EFCAB13: variants seen among roughly 807,000 people sequenced by gnomAD.
The protein encoded by EFCAB13 is EF-hand calcium binding domain 13, also known as EF-hand calcium-binding domain-containing protein 13.
Under a neutral mutation model 110.2 loss-of-function variants are expected in EFCAB13, and 91 were observed. That is an observed-to-expected ratio of 0.83 (90% CI 0.70 to 0.98). EFCAB13 has a LOEUF of 0.98. Among genes scored for constraint, EFCAB13 ranks in the 50% least tolerant of loss-of-function variants. The pLI is 0.00. For missense variants in EFCAB13, 968 were observed against 1,119.4 expected (o/e 0.86, Z 1.93); for synonymous variants, 323 against 369.9 (o/e 0.87, Z 1.45).
At chr17:47,386,078 GTC>G (rs2065674221) in intron 14 of EFCAB13, among the ~76,000 whole-genome samples, 1 of 152,168 alleles carries the variant, frequency 6.6e-6, no homozygotes, top group South Asian at 2.1e-4. Context: ...CTGTTGGGAG[GTC>G]TCTCCCCATC....
intron 10 of EFCAB13, chr17:47,369,610 T>G (rs1333154244): frequency 1.3e-5 from 2 of 152,658 alleles, no homozygotes; most frequent in Non-Finnish European, 2.9e-5. Flanking sequence ...AATTTGCTTC[T>G]TCCTCTCAGT....
chr17:47,332,453 T>C (rs2065324783), intron 4 of EFCAB13, among the ~76,000 whole-genome samples: 1 of 152,086 alleles, frequency 6.6e-6, no homozygotes, highest in Non-Finnish European at 1.5e-5. Context: ...GTATATATTA[T>C]TTACTAACCA....
intron 9 of EFCAB13, among the ~76,000 whole-genome samples, chr17:47,355,636 G>A (rs947163696): frequency 1.0e-4 from 15 of 147,318 alleles, no homozygotes; most frequent in African/African-American, 3.5e-4. Flanking sequence ...GCAGTGATGC[G>A]ATCTCGGCTT....
At chr17:47,387,079 T>C (rs2065680956) in intron 14 of EFCAB13, among the ~76,000 whole-genome samples, 2 of 152,210 alleles carry the variant, frequency 1.3e-5, no homozygotes, top group African/African-American at 4.8e-5. Context: ...GAGCTGTTCC[T>C]GTTCAGCCAT....
chr17:47,374,084 T>A lies in EFCAB13; in HGVS notation c.878-388T>A, dbSNP rs576397101. Among the ~76,000 whole-genome samples the A allele has an allele frequency of 2.3e-4, 35 of 152,292 alleles. No homozygotes were observed. The East Asian group carries it at 2.9e-3, about 13-fold the overall frequency. ...AGTAATTACTTAAGTTCTAATTTTA[T>A]AAATAAAATCTCCCCTTTCCTCATA... On this transcript the variant is annotated intron_variant, in intron 11 of 24. Coordinates refer to ENST00000331493, the MANE Select transcript of EFCAB13 (RefSeq NM_152347.5).
intron 23 of EFCAB13, among the ~76,000 whole-genome samples, chr17:47,420,927 C>T (rs377043872): frequency 0.021 from 3,182 of 150,068 alleles, 90 homozygotes; most frequent in East Asian, 0.16. Context: ...TCTGCCCAGC[C>T]GCCCCTACTG....
chr17:47,391,007 A>AACC (rs2065704528), intron 14 of EFCAB13, among the ~76,000 whole-genome samples: 2 of 152,032 alleles, frequency 1.3e-5, no homozygotes, highest in Non-Finnish European at 1.5e-5. Context: ...TGGTACTATC[A>AACC]TAGCTCACCT....
At chr17:47,324,999 A>G (rs1351798135) in intron 2 of EFCAB13, among the ~76,000 whole-genome samples, 2 of 48,836 alleles carry the variant, frequency 4.1e-5, no homozygotes, top group African/African-American at 1.4e-4. Context: ...CGAACCATTC[A>G]GTACTGATCT....
intron 23 of EFCAB13, among the ~76,000 whole-genome samples, chr17:47,417,914 G>A (rs1028335496): frequency 6.6e-6 from 1 of 152,136 alleles, no homozygotes; most frequent in Non-Finnish European, 1.5e-5. Context: ...GGCCTTTAAA[G>A]GCTCTTATGA....
At chr17:47,335,513 A>G (rs1218317804) in intron 5 of EFCAB13, among the ~76,000 whole-genome samples, 157 bp downstream of exon 5, 2 of 152,200 alleles carry the variant, frequency 1.3e-5, no homozygotes, top group African/African-American at 2.4e-5. Context: ...TTTAACTCCT[A>G]AATAGCTGTT....
At chr17:47,375,615 A>G (rs752833205) in intron 12 of EFCAB13, among the ~76,000 whole-genome samples, 2 of 152,024 alleles carry the variant, frequency 1.3e-5, no homozygotes, top group Non-Finnish European at 2.9e-5. Context: ...TGACACATAG[A>G]CTAATGGATA....
chr17:47,393,330 T>C (rs2065718517), intron 15 of EFCAB13, among the ~76,000 whole-genome samples: 1 of 152,210 alleles, frequency 6.6e-6, no homozygotes, highest in Non-Finnish European at 1.5e-5. Context: ...TAGTATCTTG[T>C]AACATTTGCA....
intron 20 of EFCAB13, among the ~76,000 whole-genome samples, chr17:47,409,085 G>C (rs538604895): frequency 2.6e-5 from 4 of 152,194 alleles, no homozygotes; most frequent in Non-Finnish European, 4.4e-5. Context: ...ATTCTAAACT[G>C]TTCTTTAATA....
chr17:47,351,305 G>GTGTGTGTGTGTGTGCGCGCGCGCGCA (rs748940130), intron 9 of EFCAB13, among the ~76,000 whole-genome samples: 1 of 113,176 alleles, frequency 8.8e-6, no homozygotes, highest in South Asian at 3.0e-4. Context: ...GTGTGTGTGT[G>GTGTGTGTGTGTGTGCGCGCGCGCGCA]CGCGCGCGCG....
intron 19 of EFCAB13, among the ~76,000 whole-genome samples, 167 bp from the exon 20 acceptor site, chr17:47,404,395 A>G (rs1227018100): frequency 6.6e-6 from 1 of 152,184 alleles, no homozygotes; most frequent in African/African-American, 2.4e-5. Context: ...GTATACCTAC[A>G]ACATTGTAGG....
chr17:47,393,288 A>G (rs2065718223), intron 15 of EFCAB13, among the ~76,000 whole-genome samples: 1 of 152,204 alleles, frequency 6.6e-6, no homozygotes, highest in Admixed American at 6.5e-5. Context: ...AAATATGGTG[A>G]AAGTGGTAAA....
chr17:47,356,962 G>A (rs2065483988), intron 9 of EFCAB13, among the ~76,000 whole-genome samples: 1 of 152,220 alleles, frequency 6.6e-6, no homozygotes, highest in Non-Finnish European at 1.5e-5. Flanking sequence ...TTCCTGGGAG[G>A]ATTATGGCTG....
At chr17:47,400,683 T>TCCTTCCCTTC (rs570565420) in intron 17 of EFCAB13, among the ~76,000 whole-genome samples, 13 of 134,880 alleles carry the variant, frequency 9.6e-5, no homozygotes, top group South Asian at 2.7e-4. Context: ...CCCTTCCCTC[T>TCCTTCCCTTC]CCTTCCCTTC....
At chr17:47,396,634 G>A (rs1032184076) in intron 17 of EFCAB13, among the ~76,000 whole-genome samples, 5 of 152,146 alleles carry the variant, frequency 3.3e-5, no homozygotes, top group African/African-American at 1.2e-4. Context: ...CTTTTATGTG[G>A]AATGTTTATA....
Sources: gnomAD v4.1 joint callset for allele counts (sites outside exome capture counted in the v4.1 genomes callset) on GRCh38, gnomAD v4.1.1 for gene constraint, MANE v1.5 for transcripts, NCBI Gene and HGNC (gene_info 2026-07-23, HGNC 2026-07-21) for gene names.